Variants in CDK13 observed in about 807,000 individuals in gnomAD.
CDK13 encodes cyclin dependent kinase 13.
A neutral mutation model predicts 137.6 loss-of-function variants in CDK13; 40 were observed. The observed-to-expected ratio is 0.29, with a 90% CI of 0.23 to 0.38. CDK13 has a LOEUF of 0.38. CDK13 is among the 10% of genes least tolerant of loss of function. CDK13 has a pLI of 1.00. For synonymous variants in CDK13, 869 were observed against 760.1 expected (o/e 1.14, Z -2.36); for missense variants, 1,704 against 1,951.8 (o/e 0.87, Z 2.39).
intron 5 of CDK13, among the ~76,000 whole-genome samples, chr7:40,038,039 A>AT (rs1785522599): frequency 6.6e-6 from 1 of 152,168 alleles, no homozygotes; most frequent in Non-Finnish European, 1.5e-5. Flanking sequence ...ATTATATAAA[A>AT]CATTTACTTG....
At chr7:40,000,352 C>T (rs771773684) in intron 4 of CDK13, among the ~76,000 whole-genome samples, 9 of 152,044 alleles carry the variant, frequency 5.9e-5, no homozygotes, top group South Asian at 2.1e-4. Context: ...AGCGACAGAG[C>T]GAGACTCCAT....
chr7:40,037,896 A>G (rs1234531444), intron 5 of CDK13, among the ~76,000 whole-genome samples: 3 of 152,226 alleles, frequency 2.0e-5, no homozygotes, highest in Admixed American at 2.0e-4. Context: ...CCCCAGCTGT[A>G]TATAGTCAGT....
At chr7:40,033,318 C>A (rs1036920502) in intron 5 of CDK13, among the ~76,000 whole-genome samples, 1 of 152,034 alleles carries the variant, frequency 6.6e-6, no homozygotes, top group Non-Finnish European at 1.5e-5. Flanking sequence ...TTTTGCCCAC[C>A]TTTTTTCCAT....
At position 39,951,542 on chromosome 7, in the gene CDK13, C is replaced by T. The variant is rs762184046; in HGVS notation, c.901C>T (p.Arg301Trp). Residue 301 changes from arginine (R) to tryptophan (W), a missense_variant, in exon 1 of 14, where the codon CGG becomes TGG. By Grantham distance (101) the Arg-to-Trp change is moderately radical. Transcript: ENST00000181839. ...SAYKEPPKAY[R>W]EDKTEPKAYR... ...CTACAAGGAACCGCCCAAGGCCTAC[C>T]GGGAGGACAAGACCGAGCCTAAGGC... 5 of 1,537,002 alleles carry T rather than the reference C, an allele frequency of 3.3e-6. No individual in the cohort carries two copies. The African/African-American group carries it at 4.2e-5, about 13-fold the overall frequency.
chr7:40,089,717 A>AGCGT (rs1375627357), intron 12 of CDK13, among the ~76,000 whole-genome samples: 1 of 142,978 alleles, frequency 7.0e-6, no homozygotes, highest in African/African-American at 2.8e-5. Context: ...AGAGAGAGAG[A>AGCGT]GAGAGAGTGT....
Sources: allele counts gnomAD v4.1 joint callset (sites outside exome capture counted in the v4.1 genomes callset), GRCh38; gene constraint gnomAD v4.1.1; transcripts MANE v1.5; gene names NCBI Gene and HGNC (gene_info 2026-07-23, HGNC 2026-07-21).